The following CHD9 variants were observed in gnomAD, a reference collection of about 807,000 sequenced individuals.
CHD9 encodes chromodomain helicase DNA binding protein 9, also known as ATP-dependent chromatin remodeler CHD9.
A neutral mutation model predicts 316.1 loss-of-function variants in CHD9; 77 were observed. The ratio of observed to expected loss-of-function variants is 0.24; its 90% CI spans 0.20 to 0.29. The LOEUF (loss-of-function observed/expected upper bound fraction) is 0.29, where lower values mean the gene tolerates loss of function less well. Ranked by LOEUF, CHD9 falls within the 10% of genes least tolerant of loss-of-function variation. CHD9 has a pLI of 1.00. For missense variants in CHD9, 2,763 were observed against 3,438.1 expected (o/e 0.80, Z 4.91); for synonymous variants, 1,129 against 1,158.3 (o/e 0.97, Z 0.51).
intron 4 of CHD9, among the ~76,000 whole-genome samples, 167 bp from the exon 5 acceptor site, chr16:53,226,199 G>A (rs2047637805): frequency 6.6e-6 from 1 of 151,938 alleles, no homozygotes; most frequent in Non-Finnish European, 1.5e-5. Context: ...TGTGGCAAAT[G>A]GCAAATTATA....
intron 1 of CHD9, among the ~76,000 whole-genome samples, chr16:53,135,690 C>G (rs562887771): frequency 6.4e-4 from 98 of 152,228 alleles, no homozygotes; most frequent in African/African-American, 2.3e-3. Context: ...AGAAGTCTAC[C>G]TTTATCTGAA....
At chr16:53,162,347 C>G (rs894599393) in intron 2 of CHD9, among the ~76,000 whole-genome samples, 1 of 152,154 alleles carries the variant, frequency 6.6e-6, no homozygotes, top group African/African-American at 2.4e-5. Context: ...AGGGAAAATA[C>G]TAGCTTATTT....
At chr16:53,247,657 G>A in intron 16 of CHD9, 154 bp downstream of exon 16, 1 of 633,434 alleles carries the variant, frequency 1.6e-6, no homozygotes, top group African/African-American at 1.8e-5. Flanking sequence ...TTAGGATTAT[G>A]TGTTATATTT....
chr16:53,133,458 T>G (rs887102952), intron 1 of CHD9, among the ~76,000 whole-genome samples: 1 of 152,090 alleles, frequency 6.6e-6, no homozygotes, highest in Non-Finnish European at 1.5e-5. Context: ...AAAAAAAAAT[T>G]ATGATGCTTT....
chr16:53,265,624 C>T (rs2051586858), intron 20 of CHD9, among the ~76,000 whole-genome samples: 1 of 151,944 alleles, frequency 6.6e-6, no homozygotes. Context: ...TAATCCTATG[C>T]TCTATACCAA....
In CHD9 at chr16:53,308,829, T is replaced by C. The variant is rs2056217076; in HGVS notation, c.7197T>C (p.Asn2399=). 2 of 1,613,582 alleles carry C rather than the reference T, an allele frequency of 1.2e-6. No individual in the cohort carries two copies. Among genetic ancestry groups the C allele is most frequent in the African/African-American group, 2.7e-5 (2 of 74,918 alleles). Reference sequence around the variant, plus strand: ...GTGCATCAGAGACCAGCCTCGTCAATTTCCCAAAATCCATACCAGTATCAG... The same window carrying C: ...GTGCATCAGAGACCAGCCTCGTCAACTTCCCAAAATCCATACCAGTATCAG... ...LQSASETSLV[N]FPKSIPVSGT... Residue 2399 remains asparagine (N), a synonymous_variant, in exon 34 of 39, where the codon AAT becomes AAC. Transcript: ENST00000447540.
At chr16:53,261,973 A>C (rs1044069885) in intron 19 of CHD9, among the ~76,000 whole-genome samples, 1 of 151,944 alleles carries the variant, frequency 6.6e-6, no homozygotes, top group African/African-American at 2.4e-5. Flanking sequence ...GTTTGCTTTT[A>C]ACAGTTTTAT....
intron 38 of CHD9, 70 bp from the exon 39 acceptor site, chr16:53,323,950 G>A: frequency 2.4e-6 from 3 of 1,273,496 alleles, no homozygotes; most frequent in South Asian, 1.4e-5. Context: ...ATGGTTATTT[G>A]TATGATAAGC....
intron 24 of CHD9, among the ~76,000 whole-genome samples, chr16:53,275,943 G>T (rs1390341996): frequency 6.6e-6 from 1 of 152,044 alleles, no homozygotes; most frequent in Non-Finnish European, 1.5e-5. Context: ...TCATACAGTT[G>T]ATCTTGCTAT....
intron 25 of CHD9, 54 bp from the exon 26 acceptor site, chr16:53,286,172 A>G (rs1567622495): frequency 1.0e-6 from 1 of 999,206 alleles, no homozygotes; most frequent in Non-Finnish European, 1.6e-6. Context: ...GCTTATATGT[A>G]TACACCTTTC....
chr16:53,055,498 C>CCCA (rs968823883), intron 1 of CHD9, among the ~76,000 whole-genome samples: 1 of 151,630 alleles, frequency 6.6e-6, no homozygotes, highest in Non-Finnish European at 1.5e-5. Context: ...ACCCCCGCCC[C>CCCA]CCCCCAGAGA....
chr16:53,225,453 TA>T (rs1378647472), intron 4 of CHD9, among the ~76,000 whole-genome samples: 1 of 152,226 alleles, frequency 6.6e-6, no homozygotes. Flanking sequence ...ATCTTTATTG[TA>T]AACACCAAAA....
At chr16:53,212,160 G>A (rs1259677143) in intron 3 of CHD9, among the ~76,000 whole-genome samples, 1 of 152,118 alleles carries the variant, frequency 6.6e-6, no homozygotes, top group African/African-American at 2.4e-5. Context: ...CCAGCACTTT[G>A]GGAGGCCGAG....
At position 53,242,847 on chromosome 16, in the gene CHD9, T is replaced by C. The variant is rs745466917; in HGVS notation, c.2885T>C (p.Ile962Thr). The change falls in exon 13 of 39, where the codon ATC becomes ACC. Residue 962 changes from isoleucine to threonine, a missense_variant. Physicochemically the swap from Ile to Thr is moderately conservative, Grantham distance 89. Coordinates refer to ENST00000447540, the MANE Select transcript of CHD9 (RefSeq NM_001308319.2). ...ATATTTGATCATTTCTAGGGGCGTA[T>C]CATTCGAGGAGCTTACAGATTCCAA... ...EMYFRDSQGRIIRGAYRFQAI... is the reference protein window; with the variant it reads ...EMYFRDSQGRTIRGAYRFQAI... The C allele has an allele frequency of 6.2e-7, 1 of 1,612,004 alleles. No homozygotes were observed. Among genetic ancestry groups the C allele is most frequent in the South Asian group, 1.1e-5 (1 of 90,830 alleles).
At chr16:53,297,244 G>A in intron 30 of CHD9, 86 bp downstream of exon 30, 8 of 978,366 alleles carry the variant, frequency 8.2e-6, no homozygotes, top group Non-Finnish European at 1.3e-5. Context: ...TCTCTTTTAT[G>A]TGAAATTTCA....
chr16:53,066,687 GCTT>G (rs998298698), intron 1 of CHD9, among the ~76,000 whole-genome samples: 4 of 152,102 alleles, frequency 2.6e-5, no homozygotes, highest in Admixed American at 1.3e-4. Flanking sequence ...GTGAGCTATA[GCTT>G]CTTCTCTGCA....
At chr16:53,162,653 A>G (rs1170619779) in intron 2 of CHD9, among the ~76,000 whole-genome samples, 1 of 152,092 alleles carries the variant, frequency 6.6e-6, no homozygotes, top group Non-Finnish European at 1.5e-5. Flanking sequence ...TGCCTTTTGT[A>G]TTTTGATAGA....
At chr16:53,077,431 C>T (rs2034634244) in intron 1 of CHD9, among the ~76,000 whole-genome samples, 1 of 151,982 alleles carries the variant, frequency 6.6e-6, no homozygotes, top group Non-Finnish European at 1.5e-5. Flanking sequence ...TCATGCCATT[C>T]TCCCACCTCA....
At chr16:53,212,309 G>T (rs1597452955) in intron 3 of CHD9, among the ~76,000 whole-genome samples, 1 of 152,094 alleles carries the variant, frequency 6.6e-6, no homozygotes, top group East Asian at 1.9e-4. Flanking sequence ...GGAGGCTGAG[G>T]CAGGAGAATG....
Sources: gnomAD v4.1 joint callset for allele counts (sites outside exome capture counted in the v4.1 genomes callset) on GRCh38, gnomAD v4.1.1 for gene constraint, MANE v1.5 for transcripts, NCBI Gene and HGNC (gene_info 2026-07-23, HGNC 2026-07-21) for gene names.